CPNE2: variants seen among roughly 807,000 people sequenced by gnomAD.
CPNE2 encodes copine 2, also known as copine-2.
CPNE2 carries 42 observed loss-of-function variants against 69.7 expected under a neutral mutation model. The ratio of observed to expected loss-of-function variants is 0.60; its 90% CI spans 0.47 to 0.78. The LOEUF is 0.78. Ranked by LOEUF, CPNE2 falls within the 30% of genes least tolerant of loss-of-function variation. The pLI is 0.00. For missense variants in CPNE2, 587 were observed against 732.0 expected, an observed-to-expected ratio of 0.80 and a Z score of 2.29; for synonymous variants, 294 against 289.8, an observed-to-expected ratio of 1.01 and a Z score of -0.15.
At chr16:57,118,209 A>G (rs1597496242) in intron 5 of CPNE2, among the ~76,000 whole-genome samples, 1 of 139,148 alleles carries the variant, frequency 7.2e-6, no homozygotes, top group African/African-American at 2.7e-5. Context: ...TCTGTTGCCC[A>G]GGCTGGAGTA....
At chr16:57,102,227 G>A (rs2069619288) in intron 1 of CPNE2, among the ~76,000 whole-genome samples, 1 of 152,182 alleles carries the variant, frequency 6.6e-6, no homozygotes, top group Admixed American at 6.5e-5. Context: ...GGGGATAACA[G>A]GAGTGAGCCA....
rs1477218956 is a variant in CPNE2 at position 57,117,479 on chromosome 16, A to G, written c.436-17A>G. The G allele has an allele frequency of 6.2e-7, 1 of 1,611,224 alleles. No individual in the cohort carries two copies. Among genetic ancestry groups the G allele is most frequent in the Admixed American group, 1.7e-5 (1 of 59,758 alleles). On this transcript the variant is annotated splice_polypyrimidine_tract_variant and intron_variant, in intron 4 of 15. Coordinates refer to ENST00000290776, the MANE Select transcript of CPNE2 (RefSeq NM_152727.6). ...GCTGGGGGAGTCTGAGGAGCCCCTC[A>G]TGTCCCGGCCTTACAGATCGCTGCC...
chr16:57,100,483 T>C (rs2069606375), intron 1 of CPNE2, among the ~76,000 whole-genome samples: 1 of 152,236 alleles, frequency 6.6e-6, no homozygotes, highest in South Asian at 2.1e-4. Context: ...GTCAAGCATT[T>C]TGTAATTTCC....
In CPNE2 at chr16:57,123,787, C is replaced by G. The variant is rs111920253; in HGVS notation, c.927+314C>G. 4.7e-3 allele frequency: 2,011 copies of G among 427,548 alleles called. 9 individuals carry two copies. Among genetic ancestry groups the G allele is most frequent in the Non-Finnish European group, 7.1e-3 (1,668 of 234,242 alleles). The allele number at this position is 427,548 out of a possible 1,614,324, so 26.5% of individuals were successfully genotyped here. A position where few individuals can be genotyped will look rare whatever the true frequency, so the allele number is the denominator to read the frequency against. On this transcript the variant is annotated intron_variant, in intron 10 of 15. Coordinates refer to ENST00000290776, the MANE Select transcript of CPNE2 (RefSeq NM_152727.6). ...CCACAAGGCCTTCAGCGATCCCTGC[C>G]TCCTTCATCTGCAGCCTCCTTCCTC...
intron 13 of CPNE2, 84 bp downstream of exon 13, chr16:57,134,910 GT>G: frequency 7.1e-7 from 1 of 1,416,674 alleles, no homozygotes; most frequent in Non-Finnish European, 9.9e-7. Context: ...CAGAGGACAG[GT>G]TTTCATTTCT....
At position 57,123,346 on chromosome 16, in the gene CPNE2, G is replaced by A. The variant is rs140503310; in HGVS notation, c.868-68G>A. Reference sequence around the variant, plus strand: ...CCCTACTGAGGTTGCAGGACATAGAGCAACAACTCCCCCATGGGGAGTGTG... The same window carrying A: ...CCCTACTGAGGTTGCAGGACATAGAACAACAACTCCCCCATGGGGAGTGTG... On this transcript the variant is annotated intron_variant, in intron 9 of 15. Transcript: ENST00000290776. 361 of 1,539,388 alleles carry A rather than the reference G, an allele frequency of 2.3e-4. 6 individuals carry two copies. The East Asian group carries it at 7.9e-3, about 34-fold the overall frequency.
chr16:57,145,851 G>A, intron 14 of CPNE2: 1 of 562,398 alleles, frequency 1.8e-6, no homozygotes, highest in East Asian at 3.1e-5. Context: ...AGGGCAGGAG[G>A]GGAGAGCAGT....
intron 1 of CPNE2, among the ~76,000 whole-genome samples, chr16:57,101,223 G>A (rs1417039041): frequency 6.6e-6 from 1 of 152,184 alleles, no homozygotes; most frequent in Non-Finnish European, 1.5e-5. Context: ...AATCGCATGA[G>A]CTAATTCTTG....
chr16:57,116,872 C>A (rs2069722942), intron 4 of CPNE2, among the ~76,000 whole-genome samples: 1 of 152,136 alleles, frequency 6.6e-6, no homozygotes, highest in South Asian at 2.1e-4. Context: ...CGAAAGGCCC[C>A]AGCCCACTTG....
At chr16:57,094,716 A>G (rs1303393114) in intron 1 of CPNE2, among the ~76,000 whole-genome samples, 2 of 152,100 alleles carry the variant, frequency 1.3e-5, no homozygotes, top group Non-Finnish European at 2.9e-5. Context: ...GGGTGACTGC[A>G]TCCAGGATCC....
intron 14 of CPNE2, among the ~76,000 whole-genome samples, chr16:57,137,960 AG>A (rs1489755163): frequency 6.6e-6 from 1 of 152,154 alleles, no homozygotes; most frequent in African/African-American, 2.4e-5. Context: ...GTATGAGTTG[AG>A]AGGTCTTCTC....
intron 3 of CPNE2, among the ~76,000 whole-genome samples, chr16:57,114,102 T>G (rs868252684): frequency 6.6e-6 from 1 of 152,218 alleles, no homozygotes; most frequent in Admixed American, 6.5e-5. Flanking sequence ...CCCGGGGCCT[T>G]CCAGGAGATG....
At position 57,146,553 on chromosome 16, in the gene CPNE2, C is replaced by T. The variant is rs1282951401; in HGVS notation, c.1539+232C>T. On this transcript the variant is annotated intron_variant, in intron 15 of 15. Transcript: ENST00000290776. The surrounding 1 kb of genome is among the most constrained non-coding windows in gnomAD (Gnocchi z 4.4). ...TTCCACAAACTGATGGAACATGGAG[C>T]CGTGGGCATCTAGCCTGAGGCTCTG... The T allele has an allele frequency of 1.3e-5, 7 of 534,816 alleles. No homozygotes were observed. Among genetic ancestry groups the T allele is most frequent in the Middle Eastern group, 1.0e-3 (2 of 2,010 alleles). 33.1% of individuals were successfully genotyped at this position (534,816 alleles called of 1,614,324 possible).
intron 9 of CPNE2, 34 bp from the exon 10 acceptor site, chr16:57,123,380 A>G (rs1389996613): frequency 2.7e-5 from 44 of 1,609,752 alleles, no homozygotes; most frequent in Non-Finnish European, 3.3e-5. Flanking sequence ...TGACCAAGTC[A>G]AGGGGACCCA....
At chr16:57,101,715 A>C (rs2069615037) in intron 1 of CPNE2, among the ~76,000 whole-genome samples, 1 of 152,216 alleles carries the variant, frequency 6.6e-6, no homozygotes, top group Admixed American at 6.5e-5. Context: ...GGGCAGCCCC[A>C]GCATCAGCTG....
intron 10 of CPNE2, 45 bp downstream of exon 10, chr16:57,123,518 A>G: frequency 6.3e-7 from 1 of 1,592,862 alleles, no homozygotes; most frequent in Non-Finnish European, 8.6e-7. Flanking sequence ...CATCCCAGTG[A>G]GGGTCCTCCC....
intron 14 of CPNE2, among the ~76,000 whole-genome samples, 153 bp downstream of exon 14, chr16:57,137,435 C>G (rs111673573): frequency 1.5e-3 from 234 of 152,322 alleles, no homozygotes; most frequent in African/African-American, 5.3e-3. Context: ...GAGTCAAGCT[C>G]AACTTGATTG....
chr16:57,128,305 C>T (rs1881924263), intron 12 of CPNE2, among the ~76,000 whole-genome samples: 1 of 152,202 alleles, frequency 6.6e-6, no homozygotes, highest in Admixed American at 6.5e-5. Flanking sequence ...TCTCCACTTA[C>T]AGCAACCTCC....
chr16:57,120,270 CA>C lies in CPNE2; in HGVS notation c.681+636del, dbSNP rs201770187. 9.2e-3 allele frequency among the ~76,000 whole-genome samples: 1,094 copies of C among 118,868 alleles called. 7 individuals carry two copies. The highest frequency in any genetic ancestry group is 0.026 in the African/African-American group (848 of 32,010). The allele number at this position is 118,868 out of a possible 152,430, so 78.0% of individuals were successfully genotyped here. The stretch of plus-strand genomic sequence containing the variant: ...TGGGTAACAGAGCAAGATTCTGTCT[CA>C]AAAAAAAAAAAAAAAGTTATAGGCC... On this transcript the variant is annotated intron_variant, in intron 7 of 15. Coordinates refer to ENST00000290776, the MANE Select transcript of CPNE2 (RefSeq NM_152727.6).
Sources: allele counts gnomAD v4.1 joint callset (sites outside exome capture counted in the v4.1 genomes callset), GRCh38; gene constraint gnomAD v4.1.1; non-coding constraint Gnocchi (gnomAD v3.1); transcripts MANE v1.5; gene names NCBI Gene and HGNC (gene_info 2026-07-23, HGNC 2026-07-21).